The following PRPS2 variants were observed in gnomAD, a reference collection of about 807,000 sequenced individuals.
PRPS2 encodes ribose-phosphate pyrophosphokinase 2.
For missense variants in PRPS2, 104 were observed against 271.5 expected, an observed-to-expected ratio of 0.38 and a Z score of 4.34; for synonymous variants, 111 against 115.3, an observed-to-expected ratio of 0.96 and a Z score of 0.24.
At chrX:12,794,657 C>G (rs754253395) in intron 1 of PRPS2, among the ~76,000 whole-genome samples, 107 of 111,987 alleles carry the variant, frequency 9.6e-4, no homozygotes, top group African/African-American at 3.3e-3. Flanking sequence ...ATGCTGCCTT[C>G]TAGCCACAAT....
intron 4 of PRPS2, among the ~76,000 whole-genome samples, chrX:12,816,421 G>C (rs1446372409): frequency 9.0e-6 from 1 of 110,806 alleles, no homozygotes; most frequent in Non-Finnish European, 1.9e-5. Flanking sequence ...TGCCACCTTA[G>C]CCTCCCAAGT....
intron 5 of PRPS2, 42 bp from the exon 6 acceptor site, chrX:12,820,602 A>G: frequency 8.5e-7 from 1 of 1,173,988 alleles, no homozygotes; most frequent in Admixed American, 2.3e-5. Flanking sequence ...TATTCCAAGA[A>G]TATTTGCATA....
At chrX:12,792,603 C>T (rs1037659429) in intron 1 of PRPS2, among the ~76,000 whole-genome samples, 1 of 111,797 alleles carries the variant, frequency 8.9e-6, no homozygotes, top group Non-Finnish European at 1.9e-5. Flanking sequence ...TGTCTAGTAC[C>T]GTTAACTGTC....
At chrX:12,817,468 T>TAAAAAAAAAAAAAA in intron 4 of PRPS2, among the ~76,000 whole-genome samples, 1 of 67,275 alleles carries the variant, frequency 1.5e-5, no homozygotes, top group Non-Finnish European at 2.7e-5. Flanking sequence ...ATGTTCCTCA[T>TAAAAAAAAAAAAAA]AAAAAAAAAA....
rs2042628869 is a variant in PRPS2, at chrX:12,812,490, G to A, written c.530+2344G>A. 3.6e-5 allele frequency among the ~76,000 whole-genome samples: 4 copies of A among 111,241 alleles called. No individual in the cohort carries two copies. In the South Asian group the frequency reaches 1.6e-3, roughly 43 times the overall value. On this transcript the variant is annotated intron_variant, in intron 4 of 6. Coordinates refer to ENST00000380668, the MANE Select transcript of PRPS2 (RefSeq NM_002765.5). ...GAAAATACAAAAATTAGCTGGGCTT[G>A]GTGGTGCACGCCTGTAATTCCAGCT...
intron 2 of PRPS2, among the ~76,000 whole-genome samples, chrX:12,800,208 G>C (rs777033776): frequency 9.0e-6 from 1 of 111,716 alleles, no homozygotes; most frequent in Non-Finnish European, 1.9e-5. Context: ...GCAGGGGCAC[G>C]CTCCCTCTGA....
At chrX:12,812,660 A>G (rs760151429) in intron 4 of PRPS2, among the ~76,000 whole-genome samples, 2 of 111,847 alleles carry the variant, frequency 1.8e-5, no homozygotes, top group African/African-American at 6.5e-5. Flanking sequence ...AAAACTCCAA[A>G]TACGTACAGT....
rs150052595 is a variant in PRPS2 at position 12,793,903 on chromosome X, G to A, written c.122+2284G>A. ...ATTTCAGATATGCAGGGAGAGGTCC[G>A]CTCCAGCTTCACTATAGACCATGGA... On this transcript the variant is annotated intron_variant, in intron 1 of 6. Coordinates refer to ENST00000380668, the MANE Select transcript of PRPS2 (RefSeq NM_002765.5). Among the ~76,000 whole-genome samples the A allele has an allele frequency of 0.023, 2,602 of 111,739 alleles. 161 individuals carry two copies. The East Asian group carries it at 0.26, about 11-fold the overall frequency.
At chrX:12,807,043 C>T (rs1186631787) in intron 2 of PRPS2, among the ~76,000 whole-genome samples, 3 of 110,331 alleles carry the variant, frequency 2.7e-5, no homozygotes, top group Admixed American at 1.9e-4. Context: ...GCAACAAGAG[C>T]GAAACTCCAT....
chrX:12,794,157 G>GA lies in PRPS2; in HGVS notation c.122+2541dup, dbSNP rs2042532485. On this transcript the variant is annotated intron_variant, in intron 1 of 6. Transcript: ENST00000380668. ...TGCAATTTGGGAAGGGCTCAGTGAA[G>GA]AAAGCTTGTTTTTGCCGCGTATGGT... Among the ~76,000 whole-genome samples the GA allele has an allele frequency of 3.5e-5, 4 of 112,839 alleles. No homozygotes were observed. In the Admixed American group the frequency reaches 3.7e-4, roughly 11 times the overall value.
In PRPS2 at chrX:12,821,681, AATAGATAGATAC is replaced by A. The variant is rs1402168865; in HGVS notation, c.864+894_864+905del. ...ATACTTGATCTTAGCCAGATAGATA[AATAGATAGATAC>A]ATAGATAGATACATACACACTCACA... On this transcript the variant is annotated intron_variant, in intron 6 of 6. Transcript: ENST00000380668. Among the ~76,000 whole-genome samples, 412 of 112,169 alleles carry A rather than the reference AATAGATAGATAC, an allele frequency of 3.7e-3. 4 individuals carry two copies. Among genetic ancestry groups the A allele is most frequent in the African/African-American group, 0.012 (381 of 30,853 alleles).
chrX:12,813,719 T>C (rs1249839996), intron 4 of PRPS2, among the ~76,000 whole-genome samples: 1 of 111,665 alleles, frequency 9.0e-6, no homozygotes, highest in African/African-American at 3.3e-5. Context: ...TATTCAAATC[T>C]TTTGCCTATT....
chrX:12,810,812 T>C (rs2042619996), intron 4 of PRPS2, among the ~76,000 whole-genome samples: 1 of 105,728 alleles, frequency 9.5e-6, no homozygotes, highest in Non-Finnish European at 1.9e-5. Flanking sequence ...ATCACACCAC[T>C]GCACTCCAGC....
At position 12,799,297 on chromosome X, in the gene PRPS2, C is replaced by A; in HGVS notation, c.213C>A (p.Leu71=). The A allele has an allele frequency of 8.3e-7, 1 of 1,211,596 alleles. No individual in the cohort carries two copies. Among genetic ancestry groups the A allele is most frequent in the Non-Finnish European group, 1.1e-6 (1 of 895,353 alleles). The part of the protein sequence containing the change: ...GEINDNLMEL[L]IMINACKIAS... ...TTAACGACAACCTGATGGAACTCCTCATCATGATCAATGCCTGCAAGATTG... is the reference window on the plus strand; with the variant it reads ...TTAACGACAACCTGATGGAACTCCTAATCATGATCAATGCCTGCAAGATTG... Residue 71 remains leucine, a synonymous_variant, in exon 2 of 7, where the codon CTC becomes CTA. Coordinates refer to ENST00000380668, the MANE Select transcript of PRPS2 (RefSeq NM_002765.5).
rs1477668241 is a variant in PRPS2, at chrX:12,823,385, A to C, written c.*589A>C. 1 of 102,541 alleles carries C rather than the reference A, an allele frequency of 9.8e-6. No homozygotes were observed. Among genetic ancestry groups the C allele is most frequent in the Non-Finnish European group, 2.0e-5 (1 of 51,278 alleles). The allele number at this position is 102,541 out of a possible 1,213,427, so 8.5% of individuals were successfully genotyped here. A position where few individuals can be genotyped will look rare whatever the true frequency, so the allele number is the denominator to read the frequency against. ...TTGGTTACTGTGCTTAATTTGGACCAAATTTTATTTAGCTTAATATGGACA... is the reference window on the plus strand; with the variant it reads ...TTGGTTACTGTGCTTAATTTGGACCCAATTTTATTTAGCTTAATATGGACA... On this transcript the variant is annotated 3_prime_UTR_variant, in exon 7 of 7. Transcript: ENST00000380668.
chrX:12,820,559 C>A, intron 5 of PRPS2, 85 bp from the exon 6 acceptor site: 1 of 1,002,510 alleles, frequency 1.0e-6, no homozygotes, highest in East Asian at 3.1e-5. Context: ...ACGGAGCACA[C>A]TTTGTGCTTT....
At chrX:12,815,597 T>A (rs1402077956) in intron 4 of PRPS2, among the ~76,000 whole-genome samples, 1 of 111,689 alleles carries the variant, frequency 9.0e-6, no homozygotes, top group Non-Finnish European at 1.9e-5. Flanking sequence ...GGAGTTTGAG[T>A]GGCTTTTATG....
chrX:12,821,804 G>A (rs993292341), intron 6 of PRPS2, among the ~76,000 whole-genome samples: 1 of 112,151 alleles, frequency 8.9e-6, no homozygotes, highest in East Asian at 2.8e-4. Context: ...ATTGGATGCC[G>A]ACGGGCCAGC....
chrX:12,817,145 A>G (rs1037160997), intron 4 of PRPS2, among the ~76,000 whole-genome samples: 10 of 110,827 alleles, frequency 9.0e-5, no homozygotes, highest in Non-Finnish European at 1.3e-4. Context: ...TTGTCAGAAG[A>G]CATCATTGGT....
Sources: allele counts gnomAD v4.1 joint callset (sites outside exome capture counted in the v4.1 genomes callset), GRCh38; gene constraint gnomAD v4.1.1; transcripts MANE v1.5; gene names NCBI Gene and HGNC (gene_info 2026-07-23, HGNC 2026-07-21).